Variants in PGBD2 observed in about 807,000 individuals in gnomAD.
The protein encoded by PGBD2 is piggyBac transposable element derived 2.
PGBD2 carries 6 observed loss-of-function variants against 8.1 expected under a neutral mutation model. That is an observed-to-expected ratio of 0.74 (90% CI 0.40 to 1.46). PGBD2 has a LOEUF of 1.46. Among genes scored for constraint, PGBD2 ranks in the 40% most tolerant of loss-of-function variants. The probability of loss-of-function intolerance (pLI) is 0.02; values close to 1 mark genes in which losing one functional copy is unlikely to be tolerated. For synonymous variants in PGBD2, 318 were observed against 272.2 expected, an observed-to-expected ratio of 1.17 and a Z score of -1.66; for missense variants, 802 against 739.0, an observed-to-expected ratio of 1.09 and a Z score of -0.99.
At chr1:248,888,976 A>G in the PGBD2 span, among the ~76,000 whole-genome samples, 1 of 152,172 alleles carries the variant, frequency 6.6e-6, no homozygotes, top group Non-Finnish European at 1.5e-5. Context: ...TCCCAGCACT[A>G]TTTATTGAAT....
At chr1:248,906,620 G>A (rs1480818109) in intron 1 of PGBD2, among the ~76,000 whole-genome samples, 1 of 138,408 alleles carries the variant, frequency 7.2e-6, no homozygotes, top group Non-Finnish European at 1.6e-5. Context: ...GGGCTAAAGA[G>A]GGATGGATTC....
chr1:248,880,387 G>A, the PGBD2 span, among the ~76,000 whole-genome samples: 192 of 152,330 alleles, frequency 1.3e-3, no homozygotes, highest in Middle Eastern at 3.4e-3. Flanking sequence ...GGCTTCATGT[G>A]TAAGCCGTAT....
At chr1:248,898,992 T>C in the PGBD2 span, among the ~76,000 whole-genome samples, 3 of 151,900 alleles carry the variant, frequency 2.0e-5, no homozygotes, top group African/African-American at 7.3e-5. Flanking sequence ...CCAACAGAGA[T>C]TAAAAACACA....
the PGBD2 span, among the ~76,000 whole-genome samples, chr1:248,889,140 A>G: frequency 2.0e-5 from 3 of 152,354 alleles, no homozygotes; most frequent in Admixed American, 6.5e-5. Flanking sequence ...TAATCACAGC[A>G]CTTTGAGAGG....
upstream of PGBD2, among the ~76,000 whole-genome samples, chr1:248,905,233 C>CA (rs1248813857): frequency 6.6e-6 from 1 of 151,894 alleles, no homozygotes; most frequent in East Asian, 1.9e-4. Context: ...TTACAGTGAC[C>CA]AAAAAACCTT....
the PGBD2 span, among the ~76,000 whole-genome samples, chr1:248,899,836 C>T: frequency 6.8e-6 from 1 of 148,060 alleles, no homozygotes; most frequent in Non-Finnish European, 1.5e-5. Flanking sequence ...CTACTAGCTA[C>T]ACTAATACAG....
the PGBD2 span, among the ~76,000 whole-genome samples, chr1:248,927,155 C>G: frequency 1.3e-5 from 2 of 152,106 alleles, no homozygotes; most frequent in Non-Finnish European, 2.9e-5. Context: ...AGACAGACAT[C>G]CTTAAGGAAG....
the PGBD2 span, among the ~76,000 whole-genome samples, chr1:248,875,023 C>G: frequency 2.0e-5 from 3 of 152,060 alleles, no homozygotes; most frequent in African/African-American, 7.2e-5. Context: ...TATGGCCTGG[C>G]GCGGTGGCTG....
chr1:248,902,720 C>A (rs1661556481), upstream of PGBD2, among the ~76,000 whole-genome samples: 1 of 152,008 alleles, frequency 6.6e-6, no homozygotes, highest in Non-Finnish European at 1.5e-5. Context: ...AGCTGGGAAC[C>A]ATTATCCTCA....
intron 1 of PGBD2, among the ~76,000 whole-genome samples, chr1:248,906,960 G>A (rs955881482): frequency 6.6e-6 from 1 of 152,110 alleles, no homozygotes; most frequent in Non-Finnish European, 1.5e-5. Flanking sequence ...ATCTTGTCAG[G>A]TGGGAGGAGA....
the PGBD2 span, among the ~76,000 whole-genome samples, chr1:248,893,536 T>C: frequency 6.6e-6 from 1 of 152,228 alleles, no homozygotes; most frequent in African/African-American, 2.4e-5. Context: ...TCTAAATGAC[T>C]GCAAATAGTA....
At chr1:248,875,470 C>A in the PGBD2 span, among the ~76,000 whole-genome samples, 1 of 152,024 alleles carries the variant, frequency 6.6e-6, no homozygotes, top group East Asian at 1.9e-4. Flanking sequence ...TCGAATTTTC[C>A]CCAATTGGCC....
At chr1:248,920,252 A>G (rs1264063845), downstream of PGBD2, among the ~76,000 whole-genome samples, 2 of 151,936 alleles carry the variant, frequency 1.3e-5, no homozygotes, top group African/African-American at 2.4e-5. Flanking sequence ...GCACCCATCA[A>G]CCTGTCACCT....
intron 2 of PGBD2, among the ~76,000 whole-genome samples, chr1:248,915,474 A>G (rs533351979): frequency 6.6e-6 from 1 of 152,366 alleles, no homozygotes; most frequent in African/African-American, 2.4e-5. Context: ...TCCCAACCAT[A>G]GGCTAATGTA....
At chr1:248,925,040 T>C in the PGBD2 span, among the ~76,000 whole-genome samples, 3 of 151,948 alleles carry the variant, frequency 2.0e-5, no homozygotes, top group Admixed American at 2.0e-4. Context: ...AATGGGCTGA[T>C]GGGTAAAAAT....
the PGBD2 span, among the ~76,000 whole-genome samples, chr1:248,889,393 G>T: frequency 2.0e-5 from 3 of 149,278 alleles, no homozygotes; most frequent in African/African-American, 7.7e-5. Context: ...GTCTCAAAAA[G>T]AAAATAAATA....
chr1:248,912,668 C>A (rs1199177748), intron 1 of PGBD2: 1 of 152,098 alleles, frequency 6.6e-6, no homozygotes, highest in Non-Finnish European at 1.5e-5. Flanking sequence ...CACATTTTGC[C>A]ATATTTGATT....
rs1035351231 is a variant in PGBD2 at position 248,916,990 on chromosome 1, A to G, written c.406A>G (p.Ser136Gly). ...AGATCCTCATATTGAGGATCTGAAA[A>G]GCCAAGAGCTGAGTCCCGTGGGCCT... ...ASDPHIEDLK[S>G]QELSPVGLFE... The change falls in exon 3 of 3, where the codon AGC becomes GGC. Residue 136 changes from serine (S) to glycine (G), a missense_variant. By Grantham distance (56) the Ser-to-Gly change is moderately conservative (BLOSUM62 0). Coordinates refer to ENST00000329291, the MANE Select transcript of PGBD2 (RefSeq NM_170725.3). 1 of 1,611,714 alleles carries G rather than the reference A, an allele frequency of 6.2e-7. No individual in the cohort carries two copies. The highest frequency in any genetic ancestry group is 8.5e-7 in the Non-Finnish European group (1 of 1,179,478).
chr1:248,919,007 A>T lies in PGBD2; in HGVS notation c.*644A>T, dbSNP rs576450982. ...TTTATGGGTTACATGAGATATTCTG[A>T]TACAAACATGCAATGTATAAAAATC... On this transcript the variant is annotated 3_prime_UTR_variant, in exon 3 of 3. Transcript: ENST00000329291. The T allele has an allele frequency of 1.8e-5, 3 of 167,172 alleles. No homozygotes were observed. In the East Asian group the frequency reaches 5.8e-4, roughly 32 times the overall value. The allele number at this position is 167,172 out of a possible 1,614,324, so 10.4% of individuals were successfully genotyped here.
Sources: allele counts gnomAD v4.1 joint callset (sites outside exome capture counted in the v4.1 genomes callset), GRCh38; gene constraint gnomAD v4.1.1; transcripts MANE v1.5; gene names NCBI Gene and HGNC (gene_info 2026-07-23, HGNC 2026-07-21).